SSPN: variants seen among roughly 807,000 people sequenced by gnomAD.
The protein encoded by SSPN is K-ras oncogene-associated protein.
A neutral mutation model predicts 19.1 loss-of-function variants in SSPN; 15 were observed. That is an observed-to-expected ratio of 0.78 (90% CI 0.52 to 1.21). SSPN has a LOEUF of 1.21. Among genes scored for constraint, SSPN ranks in the 50% most tolerant of loss-of-function variants. The pLI, the probability that SSPN is intolerant of heterozygous loss-of-function variation, is 0.00. For synonymous variants in SSPN, 147 were observed against 140.3 expected, an observed-to-expected ratio of 1.05 and a Z score of -0.34; for missense variants, 291 against 314.0, an observed-to-expected ratio of 0.93 and a Z score of 0.55.
intron 1 of SSPN, among the ~76,000 whole-genome samples, chr12:26,133,614 A>ACGAT (rs1555175431): frequency 1.3e-5 from 2 of 152,106 alleles, no homozygotes; most frequent in Non-Finnish European, 2.9e-5. Flanking sequence ...GAAAATCTTG[A>ACGAT]CAATTGGTTC....
chr12:26,192,183 A>G (rs528793434), upstream of SSPN, among the ~76,000 whole-genome samples: 3 of 152,374 alleles, frequency 2.0e-5, no homozygotes, highest in African/African-American at 7.2e-5. Flanking sequence ...GAGGATCAAA[A>G]TAATCTAAAC....
At chr12:26,226,261 AC>A (rs978356084) in intron 2 of SSPN, among the ~76,000 whole-genome samples, 2 of 152,072 alleles carry the variant, frequency 1.3e-5, no homozygotes, top group Non-Finnish European at 2.9e-5. Flanking sequence ...TATGCTTCTC[AC>A]ACTACTGGGG....
Position 26,195,641 on chromosome 12 carries a change from G to GCGGGC in SSPN, c.-31_-30insGGGCC. On this transcript the variant is annotated 5_prime_UTR_variant, in exon 1 of 3. Coordinates refer to ENST00000242729, the MANE Select transcript of SSPN (RefSeq NM_005086.5). ...CTCCAGGGCCCAGGGCGCCGCACAC[G>GCGGGC]CACCCACCCACCCACCCAGCCTCGC... 9.0e-7 allele frequency: 1 copy of GCGGGC among 1,105,400 alleles called. No homozygotes were observed. The highest frequency in any genetic ancestry group is 1.1e-6 in the Non-Finnish European group (1 of 878,118). The allele number at this position is 1,105,400 out of a possible 1,614,324, so 68.5% of individuals were successfully genotyped here. A position where few individuals can be genotyped will look rare whatever the true frequency, so the allele number is the denominator to read the frequency against.
At chr12:26,166,443 TA>T (rs1944621746) in intron 1 of SSPN, among the ~76,000 whole-genome samples, 1 of 152,156 alleles carries the variant, frequency 6.6e-6, no homozygotes, top group Non-Finnish European at 1.5e-5. Context: ...AATTACCAGC[TA>T]AAAAACTGGC....
Position 26,146,303 on chromosome 12 carries a change from T to G in SSPN, c.-31+24151T>G, listed in dbSNP as rs1944490099. On this transcript the variant is annotated intron_variant, in intron 1 of 2. Transcript: ENST00000538142. ...GTTATGTGCAGATGGATGGTTACACTAGATACCCATGTTCTTAAGCTGATT... is the reference window on the plus strand; with the variant it reads ...GTTATGTGCAGATGGATGGTTACACGAGATACCCATGTTCTTAAGCTGATT... Among the ~76,000 whole-genome samples the G allele has an allele frequency of 2.0e-5, 3 of 152,200 alleles. No individual in the cohort carries two copies. In the South Asian group the frequency reaches 6.2e-4, roughly 32 times the overall value.
intron 1 of SSPN, among the ~76,000 whole-genome samples, chr12:26,168,214 GAAAAAA>G (rs60365188): frequency 8.5e-6 from 1 of 117,556 alleles, no homozygotes; most frequent in African/African-American, 3.2e-5. Flanking sequence ...CCCTGTCTCA[GAAAAAA>G]AAAAAAAAAA....
intron 1 of SSPN, among the ~76,000 whole-genome samples, chr12:26,171,396 C>T (rs979888220): frequency 6.6e-6 from 1 of 152,098 alleles, no homozygotes; most frequent in Non-Finnish European, 1.5e-5. Context: ...GTTTGGTGAC[C>T]CCTGGAGGTC....
At chr12:26,175,956 C>T (rs1355623344) in intron 1 of SSPN, among the ~76,000 whole-genome samples, 1 of 151,856 alleles carries the variant, frequency 6.6e-6, no homozygotes, top group Non-Finnish European at 1.5e-5. Flanking sequence ...CCTGCCTCAG[C>T]CTCCCATGTA....
chr12:26,125,063 C>T, intron 1 of SSPN: 1 of 514,442 alleles, frequency 1.9e-6, no homozygotes, highest in Non-Finnish European at 3.6e-6. Flanking sequence ...CGTCGCCGGC[C>T]AGACCAGCAC....
At chr12:26,210,115 C>T (rs1229432332) in intron 1 of SSPN, among the ~76,000 whole-genome samples, 2 of 151,870 alleles carry the variant, frequency 1.3e-5, no homozygotes, top group Non-Finnish European at 2.9e-5. Flanking sequence ...TTCTCATCAC[C>T]GAGCCTTGAT....
chr12:26,126,926 C>A (rs1403717235), intron 1 of SSPN, among the ~76,000 whole-genome samples: 1 of 152,140 alleles, frequency 6.6e-6, no homozygotes, highest in Non-Finnish European at 1.5e-5. Context: ...CTCGGTCCGA[C>A]CTCTCTCCTA....
Position 26,231,997 on chromosome 12 carries a change from G to A in SSPN, c.*921G>A. Reference sequence around the variant, plus strand: ...GAAGATTCTTTCTTCTGAAAGCCAAGCACCACAAGGAAAAAAAAAATTATT... The same window carrying A: ...GAAGATTCTTTCTTCTGAAAGCCAAACACCACAAGGAAAAAAAAAATTATT... On this transcript the variant is annotated 3_prime_UTR_variant, in exon 3 of 3. Transcript: ENST00000242729. The A allele has an allele frequency of 5.7e-6, 5 of 881,726 alleles. No individual in the cohort carries two copies. The highest frequency in any genetic ancestry group is 6.3e-6 in the Non-Finnish European group (5 of 787,594). The allele number at this position is 881,726 out of a possible 1,614,324, so 54.6% of individuals were successfully genotyped here.
At chr12:26,227,438 G>T (rs1945189613) in intron 2 of SSPN, among the ~76,000 whole-genome samples, 1 of 152,130 alleles carries the variant, frequency 6.6e-6, no homozygotes, top group African/African-American at 2.4e-5. Context: ...AAGGGGCATG[G>T]TTTTTCTTTA....
At chr12:26,202,440 G>A (rs980846595) in intron 1 of SSPN, among the ~76,000 whole-genome samples, 5 of 152,176 alleles carry the variant, frequency 3.3e-5, no homozygotes, top group Non-Finnish European at 7.4e-5. Flanking sequence ...TTTATTTCAT[G>A]TTATAAAATG....
chr12:26,132,410 T>A (rs1310735138), intron 1 of SSPN, among the ~76,000 whole-genome samples: 2 of 152,210 alleles, frequency 1.3e-5, no homozygotes, highest in African/African-American at 4.8e-5. Flanking sequence ...GGAATAATTA[T>A]CCTAAAGCCA....
intron 1 of SSPN, among the ~76,000 whole-genome samples, chr12:26,179,429 C>G (rs1289685869): frequency 1.3e-5 from 2 of 152,100 alleles, no homozygotes; most frequent in African/African-American, 4.8e-5. Flanking sequence ...TTGCTGGGGA[C>G]AGGAGCCAGG....
At chr12:26,185,375 A>G (rs1335521370) in intron 1 of SSPN, among the ~76,000 whole-genome samples, 6 of 152,218 alleles carry the variant, frequency 3.9e-5, no homozygotes, top group Admixed American at 1.3e-4. Context: ...ATTGACAGGC[A>G]TGGGATTCCT....
chr12:26,126,139 C>G lies in SSPN; in HGVS notation c.-31+3987C>G, dbSNP rs560673103. The G allele has an allele frequency of 9.2e-5, 14 of 152,302 alleles. No homozygotes were observed. The East Asian group carries it at 1.9e-3, about 21-fold the overall frequency. 9.4% of individuals were successfully genotyped at this position (152,302 alleles called of 1,614,324 possible). A position where few individuals can be genotyped will look rare whatever the true frequency, so the allele number is the denominator to read the frequency against. ...GCGCTCGCCCTGCAGCCGCGGCGCT[C>G]GGCGCCGGGAATCACAGGCCAGCAA... is the stretch of plus-strand genomic sequence containing the variant. On this transcript the variant is annotated intron_variant, in intron 1 of 2. Coordinates refer to the SSPN transcript ENST00000538142.
chr12:26,124,291 TA>T, intron 1 of SSPN: 2 of 557,580 alleles, frequency 3.6e-6, no homozygotes, highest in Non-Finnish European at 6.1e-6. Context: ...TACTATGTGA[TA>T]AACTACACCC....
Sources: allele counts gnomAD v4.1 joint callset (sites outside exome capture counted in the v4.1 genomes callset), GRCh38; gene constraint gnomAD v4.1.1; transcripts MANE v1.5; gene names NCBI Gene and HGNC (gene_info 2026-07-23, HGNC 2026-07-21).